PKHD1: variants seen among roughly 807,000 people sequenced by gnomAD.
PKHD1 encodes fibrocystin.
In PKHD1, 291 loss-of-function variants were observed where a neutral mutation model predicts 412.0. That is an observed-to-expected ratio of 0.71 (90% CI 0.64 to 0.78). PKHD1 has a LOEUF of 0.78. Among genes scored for constraint, PKHD1 ranks in the 30% least tolerant of loss-of-function variants. The pLI is 0.00. For missense variants in PKHD1, 4,825 were observed against 4,950.7 expected (o/e 0.97, Z 0.76); for synonymous variants, 1,777 against 1,821.5 (o/e 0.98, Z 0.62).
At chr6:51,921,063 C>CA (rs1352368282) in intron 37 of PKHD1, among the ~76,000 whole-genome samples, 17 of 152,014 alleles carry the variant, frequency 1.1e-4, no homozygotes, top group African/African-American at 4.1e-4. Context: ...TTAATCTTTT[C>CA]AAAAAACCAG....
Position 51,626,145 on chromosome 6 carries a change from T to C in PKHD1, c.11785+852A>G, listed in dbSNP as rs748166542. Reference sequence around the variant, plus strand: ...ACACACACCCACATAAACACACACATGAAAGATCTCACTCAGCTACTTAGA... The same window carrying C: ...ACACACACCCACATAAACACACACACGAAAGATCTCACTCAGCTACTTAGA... On this transcript the variant is annotated intron_variant, in intron 66 of 66. Coordinates refer to ENST00000371117, the MANE Select transcript of PKHD1 (RefSeq NM_138694.4). Among the ~76,000 whole-genome samples, 19 of 151,976 alleles carry C rather than the reference T, an allele frequency of 1.3e-4. No homozygotes were observed. The Middle Eastern group carries it at 0.01, about 82-fold the overall frequency.
At chr6:51,639,656 AAG>A (rs1278387292) in intron 63 of PKHD1, among the ~76,000 whole-genome samples, 1 of 152,196 alleles carries the variant, frequency 6.6e-6, no homozygotes. Context: ...AACGTGAAAA[AAG>A]GCAGCTTAAC....
chr6:51,917,710 T>C (rs534783480), intron 37 of PKHD1, among the ~76,000 whole-genome samples: 1 of 152,246 alleles, frequency 6.6e-6, no homozygotes, highest in East Asian at 1.9e-4. Context: ...AACTGCTACA[T>C]ATGTGGCATG....
chr6:51,689,081 C>T (rs1484970258), intron 60 of PKHD1, among the ~76,000 whole-genome samples: 7 of 152,032 alleles, frequency 4.6e-5, no homozygotes, highest in Non-Finnish European at 4.4e-5. Flanking sequence ...TGATGAACAT[C>T]GATGCAAAAA....
chr6:52,064,121 C>T (rs1420311022), intron 13 of PKHD1, among the ~76,000 whole-genome samples: 1 of 152,216 alleles, frequency 6.6e-6, no homozygotes, highest in Non-Finnish European at 1.5e-5. Flanking sequence ...AATGCCCTTT[C>T]TTTAGAAAGG....
At chr6:51,885,019 C>A (rs974105050) in intron 45 of PKHD1, among the ~76,000 whole-genome samples, 1 of 152,110 alleles carries the variant, frequency 6.6e-6, no homozygotes, top group Admixed American at 6.5e-5. Context: ...ATATATGAAA[C>A]AAATGTTTGA....
At chr6:51,761,554 T>C (rs1466122458) in intron 55 of PKHD1, among the ~76,000 whole-genome samples, 1 of 152,054 alleles carries the variant, frequency 6.6e-6, no homozygotes. Context: ...TATTAATATA[T>C]TGTATTCTTT....
intron 60 of PKHD1, among the ~76,000 whole-genome samples, chr6:51,673,579 G>A (rs144946203): frequency 0.019 from 2,929 of 152,250 alleles, 115 homozygotes; most frequent in African/African-American, 0.067. Context: ...AGAAAATCAC[G>A]AAAGAGTTAG....
chr6:51,828,908 G>A (rs1026330971), intron 52 of PKHD1, among the ~76,000 whole-genome samples: 1 of 152,042 alleles, frequency 6.6e-6, no homozygotes, highest in Non-Finnish European at 1.5e-5. Context: ...GAATTCAATC[G>A]CTCATCAATC....
chr6:52,071,183 T>C, intron 8 of PKHD1, 113 bp from the exon 9 acceptor site: 1 of 767,626 alleles, frequency 1.3e-6, no homozygotes, highest in South Asian at 1.4e-5. Flanking sequence ...CTAGAGAAAA[T>C]GGTAGACAGA....
intron 39 of PKHD1, among the ~76,000 whole-genome samples, chr6:51,910,352 T>A (rs1782760383): frequency 6.6e-6 from 1 of 152,122 alleles, no homozygotes. Flanking sequence ...ACAGTAAATT[T>A]CAGAATCCAA....
At chr6:51,754,506 T>C (rs1395354724) in intron 56 of PKHD1, among the ~76,000 whole-genome samples, 1 of 152,230 alleles carries the variant, frequency 6.6e-6, no homozygotes, top group Non-Finnish European at 1.5e-5. Flanking sequence ...AACAAGACTC[T>C]CAACCCTTCT....
chr6:51,619,446 T>C lies in PKHD1; in HGVS notation c.11860A>G (p.Lys3954Glu), dbSNP rs772840861. 12 of 1,613,916 alleles carry C rather than the reference T, an allele frequency of 7.4e-6. No homozygotes were observed. Among genetic ancestry groups the C allele is most frequent in the Non-Finnish European group, 1.0e-5 (12 of 1,179,834 alleles). Residue 3954 changes from lysine (K) to glutamate (E), a missense_variant, in exon 67 of 67, where the codon AAA (lysine) becomes GAA (glutamate). Coordinates refer to ENST00000371117, the MANE Select transcript of PKHD1 (RefSeq NM_138694.4). ...HQLMNGVSRR[K>E]VSRHIVREEE... ...TCTCGGACAATGTGGCGGCTAACTT[T>C]CCTTCTGGACACTCCATTCATCAAC...
Position 51,616,373 on chromosome 6 carries a change from A to G in PKHD1, c.*2708T>C. The G allele has an allele frequency of 3.4e-6, 1 of 297,194 alleles. No individual in the cohort carries two copies. 18.4% of individuals were successfully genotyped at this position (297,194 alleles called of 1,614,324 possible). A position where few individuals can be genotyped will look rare whatever the true frequency, so the allele number is the denominator to read the frequency against. On this transcript the variant is annotated 3_prime_UTR_variant, in exon 67 of 67. Transcript: ENST00000371117. ...ATATTTATTTAGATAAAGGGTGTAG[A>G]TTGTCACTGCTGGGAAATATTTGCT...
chr6:51,887,134 T>C lies in PKHD1; in HGVS notation c.7108A>G (p.Arg2370Gly). 6.3e-7 allele frequency: 1 copy of C among 1,585,576 alleles called. No homozygotes were observed. Among genetic ancestry groups the C allele is most frequent in the Non-Finnish European group, 8.7e-7 (1 of 1,153,974 alleles). The change falls in exon 44 of 67, where the codon AGG becomes GGG. Residue 2370 changes from arginine to glycine, a missense_variant and splice_region_variant. Physicochemically the swap from Arg to Gly is moderately radical, Grantham distance 125 (BLOSUM62 -2). Transcript: ENST00000371117. ...ATAGATGAATTTCCCCAAAGTTACC[T>C]GGTACAAGAATGTGCAATGTTCTGA... ...FTQNIAHSCT[R>G]YGLFVYPKFQ...
At chr6:51,675,648 A>C (rs1429331402) in intron 60 of PKHD1, among the ~76,000 whole-genome samples, 3 of 152,174 alleles carry the variant, frequency 2.0e-5, no homozygotes, top group African/African-American at 7.2e-5. Context: ...GAAAAAAGCG[A>C]GATCTGGCCA....
chr6:51,817,431 A>G (rs982100184), intron 52 of PKHD1, among the ~76,000 whole-genome samples: 1 of 152,098 alleles, frequency 6.6e-6, no homozygotes, highest in African/African-American at 2.4e-5. Context: ...AGATTTCTCA[A>G]GAAGAAGGAG....
intron 66 of PKHD1, among the ~76,000 whole-genome samples, chr6:51,624,036 G>C (rs1206346350): frequency 6.6e-6 from 1 of 152,156 alleles, no homozygotes; most frequent in South Asian, 2.1e-4. Context: ...ATTGAAAATA[G>C]AATTGGAACT....
Position 51,616,732 on chromosome 6 carries a change from T to C in PKHD1, c.*2349A>G, listed in dbSNP as rs1429050652. On this transcript the variant is annotated 3_prime_UTR_variant, in exon 67 of 67. Transcript: ENST00000371117. ...GAATTAGTAAGATAATTATGGTTATTCCTACGCAGAGGGATAGGATAAAAC... is the reference window on the plus strand; with the variant it reads ...GAATTAGTAAGATAATTATGGTTATCCCTACGCAGAGGGATAGGATAAAAC... The C allele has an allele frequency of 1.0e-5, 4 of 398,258 alleles. No individual in the cohort carries two copies. The highest frequency in any genetic ancestry group is 1.8e-5 in the Non-Finnish European group (4 of 225,948). 24.7% of individuals were successfully genotyped at this position (398,258 alleles called of 1,614,324 possible).
Sources: gnomAD v4.1 joint callset for allele counts (sites outside exome capture counted in the v4.1 genomes callset) on GRCh38, gnomAD v4.1.1 for gene constraint, MANE v1.5 for transcripts, NCBI Gene and HGNC (gene_info 2026-07-23, HGNC 2026-07-21) for gene names.